The following SORCS2 variants were observed in gnomAD, a reference collection of about 807,000 sequenced individuals.
The protein encoded by SORCS2 is VPS10 domain-containing receptor SorCS2.
In SORCS2, 100 loss-of-function variants were observed where a neutral mutation model predicts 141.6. The ratio of observed to expected loss-of-function variants is 0.71; its 90% CI spans 0.60 to 0.83. SORCS2 has a LOEUF of 0.83. Among genes scored for constraint, SORCS2 ranks in the 40% least tolerant of loss-of-function variants. The pLI, the probability that SORCS2 is intolerant of heterozygous loss-of-function variation, is 0.00. For synonymous variants in SORCS2, 789 were observed against 676.9 expected, an observed-to-expected ratio of 1.17 and a Z score of -2.57; for missense variants, 1,646 against 1,560.2, an observed-to-expected ratio of 1.05 and a Z score of -0.93.
At chr4:7,559,038 C>T (rs1430640023) in intron 3 of SORCS2, among the ~76,000 whole-genome samples, 8 of 152,236 alleles carry the variant, frequency 5.3e-5, no homozygotes, top group Admixed American at 6.5e-5. Context: ...AGCCACTACT[C>T]GCTTCCTCTG....
intron 2 of SORCS2, among the ~76,000 whole-genome samples, chr4:7,420,584 G>T (rs184458535): frequency 2.5e-4 from 38 of 152,180 alleles, no homozygotes; most frequent in Non-Finnish European, 4.7e-4. Context: ...GTCCAGTGTG[G>T]CCATGGAAGG....
chr4:7,352,958 C>T (rs1048565376), intron 1 of SORCS2, among the ~76,000 whole-genome samples: 1 of 152,228 alleles, frequency 6.6e-6, no homozygotes, highest in Non-Finnish European at 1.5e-5. Flanking sequence ...ATGATGTACT[C>T]TCCTTTCCAG....
chr4:7,340,018 T>C (rs1720271677), intron 1 of SORCS2, among the ~76,000 whole-genome samples: 1 of 152,182 alleles, frequency 6.6e-6, no homozygotes, highest in African/African-American at 2.4e-5. Context: ...TCAGAGATGC[T>C]GATAATTAGG....
Position 7,563,400 on chromosome 4 carries a change from T to A in SORCS2, c.648+31771T>A, listed in dbSNP as rs190169397. 3.4e-4 allele frequency among the ~76,000 whole-genome samples: 52 copies of A among 152,280 alleles called. No homozygotes were observed. In the East Asian group the frequency reaches 8.3e-3, roughly 24 times the overall value. On this transcript the variant is annotated intron_variant, in intron 3 of 26. Coordinates refer to ENST00000507866, the MANE Select transcript of SORCS2 (RefSeq NM_020777.3). ...CTGAGGCCCGGGGGAGTAAGTGACC[T>A]ACCCAGGGCAAGTCTAGTGCAACAG...
chr4:7,520,491 C>T (rs1733257636), intron 2 of SORCS2, among the ~76,000 whole-genome samples: 1 of 152,170 alleles, frequency 6.6e-6, no homozygotes, highest in African/African-American at 2.4e-5. Context: ...GGATTGCGCC[C>T]AGCCCAGCTT....
At chr4:7,599,148 G>A (rs941130292) in intron 3 of SORCS2, among the ~76,000 whole-genome samples, 13 of 151,912 alleles carry the variant, frequency 8.6e-5, no homozygotes, top group African/African-American at 1.9e-4. Flanking sequence ...TCTCATGGCC[G>A]CCCTGCAAGA....
At chr4:7,199,942 C>A (rs116622017) in intron 1 of SORCS2, among the ~76,000 whole-genome samples, 1 of 152,134 alleles carries the variant, frequency 6.6e-6, no homozygotes, top group African/African-American at 2.4e-5. Context: ...CCGGGGAATG[C>A]GAGCAGGAGG....
At chr4:7,631,474 G>A (rs760875928) in intron 3 of SORCS2, among the ~76,000 whole-genome samples, 2 of 152,054 alleles carry the variant, frequency 1.3e-5, no homozygotes, top group Non-Finnish European at 2.9e-5. Flanking sequence ...GCACAGTGTC[G>A]ACTCTGGCCC....
chr4:7,574,808 G>A (rs534031827), intron 3 of SORCS2, among the ~76,000 whole-genome samples: 8 of 152,322 alleles, frequency 5.3e-5, no homozygotes, highest in East Asian at 1.9e-4. Context: ...GAAAGATGCC[G>A]TGTGGCATGC....
chr4:7,219,231 C>A (rs1343529929), intron 1 of SORCS2, among the ~76,000 whole-genome samples: 1 of 151,878 alleles, frequency 6.6e-6, no homozygotes, highest in Non-Finnish European at 1.5e-5. Context: ...AAGGCAGAGA[C>A]AATGTCAGAC....
At chr4:7,344,090 C>T (rs73210411) in intron 1 of SORCS2, among the ~76,000 whole-genome samples, 22,485 of 152,226 alleles carry the variant, frequency 0.15, 1,924 homozygotes, top group Non-Finnish European at 0.2. Context: ...GGGGTGGGTG[C>T]GGTGTGGACG....
chr4:7,626,572 T>C lies in SORCS2; in HGVS notation c.649-11756T>C, dbSNP rs111807879. Among the ~76,000 whole-genome samples the C allele has an allele frequency of 2.8e-3, 434 of 152,356 alleles. 2 individuals carry two copies. Among genetic ancestry groups the C allele is most frequent in the African/African-American group, 0.01 (421 of 41,584 alleles). On this transcript the variant is annotated intron_variant, in intron 3 of 26. Transcript: ENST00000507866. ...TCCTACATATGTACATCTCTTTCTA[T>C]AGCACATACATATATTTGTGTGTAT...
At chr4:7,245,116 G>A (rs953776414) in intron 1 of SORCS2, among the ~76,000 whole-genome samples, 25 of 152,150 alleles carry the variant, frequency 1.6e-4, no homozygotes, top group African/African-American at 5.8e-4. Flanking sequence ...GAGAGTGGGC[G>A]GGAGGCTGGG....
Position 7,654,200 on chromosome 4 carries a change from G to A in SORCS2, c.880G>A (p.Val294Met), listed in dbSNP as rs936638379. 3 of 1,575,190 alleles carry A rather than the reference G, an allele frequency of 1.9e-6. No individual in the cohort carries two copies. Among genetic ancestry groups the A allele is most frequent in the African/African-American group, 1.3e-5 (1 of 74,438 alleles). The stretch of plus-strand genomic sequence containing the variant: ...GCAAGAGCGAGTGACCAAAGACCAC[G>A]TGTTCTGGTGAGAGCACTTCCCCAC... ...LLQERVTKDH[V>M]FWSVSGVDAD... is the part of the protein sequence containing the mutation. Residue 294 changes from valine to methionine, a missense_variant, in exon 5 of 27, where the codon GTG becomes ATG. Physicochemically the swap from Val to Met is conservative, Grantham distance 21 (BLOSUM62 1). Transcript: ENST00000507866.
At chr4:7,197,754 G>T (rs895819529) in intron 1 of SORCS2, among the ~76,000 whole-genome samples, 1 of 152,220 alleles carries the variant, frequency 6.6e-6, no homozygotes, top group African/African-American at 2.4e-5. Context: ...GACCCCAGAT[G>T]TGAGGCTGAA....
At chr4:7,231,024 A>G (rs542154554) in intron 1 of SORCS2, among the ~76,000 whole-genome samples, 2 of 152,176 alleles carry the variant, frequency 1.3e-5, no homozygotes, top group African/African-American at 4.8e-5. Context: ...ATCCATATCC[A>G]TATCTGTATC....
At chr4:7,529,284 A>C (rs1733879769) in intron 2 of SORCS2, among the ~76,000 whole-genome samples, 4 of 144,090 alleles carry the variant, frequency 2.8e-5, no homozygotes, top group African/African-American at 7.8e-5. Context: ...CCCCTCCCTC[A>C]CCCTCCACCC....
intron 2 of SORCS2, among the ~76,000 whole-genome samples, chr4:7,507,968 A>G (rs1483203235): frequency 1.3e-5 from 2 of 149,380 alleles, no homozygotes; most frequent in South Asian, 2.2e-4. Context: ...CACTTTTGAG[A>G]TGTAAAATGT....
At chr4:7,258,050 G>A (rs1170149633) in intron 1 of SORCS2, among the ~76,000 whole-genome samples, 1 of 152,248 alleles carries the variant, frequency 6.6e-6, no homozygotes, top group Non-Finnish European at 1.5e-5. Context: ...TGTTGGGGGA[G>A]TGGTGGCTTC....
Sources: gnomAD v4.1 joint callset for allele counts (sites outside exome capture counted in the v4.1 genomes callset) on GRCh38, gnomAD v4.1.1 for gene constraint, MANE v1.5 for transcripts, NCBI Gene and HGNC (gene_info 2026-07-23, HGNC 2026-07-21) for gene names.